Variants in CORO1C observed in about 807,000 individuals in gnomAD.
CORO1C encodes coronin 1C.
Under a neutral mutation model 51.2 loss-of-function variants are expected in CORO1C, and 14 were observed. The observed-to-expected ratio is 0.27, with a 90% CI of 0.18 to 0.43. CORO1C has a LOEUF of 0.43. CORO1C is among the 20% of genes least tolerant of loss of function. The probability of loss-of-function intolerance (pLI) is 1.00; values close to 1 mark genes in which losing one functional copy is unlikely to be tolerated. For missense variants in CORO1C, 417 were observed against 607.8 expected, an observed-to-expected ratio of 0.69 and a Z score of 3.30; for synonymous variants, 181 against 210.5, an observed-to-expected ratio of 0.86 and a Z score of 1.21.
chr12:108,690,508 T>C (rs907569281), intron 2 of CORO1C, among the ~76,000 whole-genome samples: 5 of 152,258 alleles, frequency 3.3e-5, no homozygotes. Flanking sequence ...GAATAGACCA[T>C]ATTTTAAAAT....
chr12:108,663,010 C>T (rs542591961), intron 3 of CORO1C, among the ~76,000 whole-genome samples: 1 of 152,262 alleles, frequency 6.6e-6, no homozygotes, highest in South Asian at 2.1e-4. Flanking sequence ...AAAAATAGGC[C>T]AGTCATCTAA....
intron 2 of CORO1C, among the ~76,000 whole-genome samples, chr12:108,686,613 A>C (rs2034305422): frequency 6.6e-6 from 1 of 152,248 alleles, no homozygotes; most frequent in Non-Finnish European, 1.5e-5. Flanking sequence ...TTCATTGATT[A>C]CTTACTAGTC....
rs1025516396 is a variant in CORO1C, at chr12:108,645,654, T to C, written c.*1749A>G. On this transcript the variant is annotated 3_prime_UTR_variant, in exon 11 of 11. Transcript: ENST00000261401. ...AATTGTGGAGACAGCACTCCCAGTATTGGCTGGATAAGAACATGGTCCTTT... is the reference window on the plus strand; with the variant it reads ...AATTGTGGAGACAGCACTCCCAGTACTGGCTGGATAAGAACATGGTCCTTT... 1.3e-5 allele frequency: 2 copies of C among 152,182 alleles called. No homozygotes were observed. The highest frequency in any genetic ancestry group is 2.9e-5 in the Non-Finnish European group (2 of 68,032). 9.4% of individuals were successfully genotyped at this position (152,182 alleles called of 1,614,324 possible).
chr12:108,720,823 A>G (rs1380092354), intron 1 of CORO1C, among the ~76,000 whole-genome samples: 3 of 152,162 alleles, frequency 2.0e-5, no homozygotes, highest in Non-Finnish European at 4.4e-5. Flanking sequence ...GCACCCGGCA[A>G]ATATTTACAA....
intron 3 of CORO1C, among the ~76,000 whole-genome samples, chr12:108,676,550 T>C (rs2033915697): frequency 6.6e-6 from 1 of 151,844 alleles, no homozygotes; most frequent in South Asian, 2.1e-4. Context: ...GGCGGGGGGA[T>C]CACTTGAGGT....
At chr12:108,698,975 G>A (rs2034779025) in intron 2 of CORO1C, among the ~76,000 whole-genome samples, 1 of 152,138 alleles carries the variant, frequency 6.6e-6, no homozygotes, top group Non-Finnish European at 1.5e-5. Context: ...TATTTCCAAT[G>A]GCTGTCACAG....
chr12:108,673,884 TAAAATAA>T (rs910231653), intron 3 of CORO1C, among the ~76,000 whole-genome samples: 41 of 150,990 alleles, frequency 2.7e-4, no homozygotes, highest in Non-Finnish European at 4.7e-4. Context: ...ATAATAATAA[TAAAATAA>T]AAAATAAATA....
At chr12:108,713,885 T>A (rs2035254573) in intron 1 of CORO1C, among the ~76,000 whole-genome samples, 1 of 152,146 alleles carries the variant, frequency 6.6e-6, no homozygotes, top group African/African-American at 2.4e-5. Flanking sequence ...AGTTGGCCAG[T>A]TTGTGTAACA....
At chr12:108,701,451 G>T in intron 1 of CORO1C, 128 bp from the exon 2 acceptor site, 1 of 1,433,678 alleles carries the variant, frequency 7.0e-7, no homozygotes, top group Non-Finnish European at 9.4e-7. Context: ...CTAAAAAGTA[G>T]CCAAATTGCA....
chr12:108,675,937 T>C (rs1203277282), intron 3 of CORO1C, among the ~76,000 whole-genome samples: 1 of 152,112 alleles, frequency 6.6e-6, no homozygotes. Flanking sequence ...AACTGCAACA[T>C]GAGGGTACAA....
Position 108,654,270 on chromosome 12 carries a change from C to A in CORO1C, c.855+36G>T, listed in dbSNP as rs779970049. Reference sequence around the variant, plus strand: ...TCTGAAGGATAAATGTTTCCACTTACAGGATTTAACACCAAACATCAAAAT... The same window carrying A: ...TCTGAAGGATAAATGTTTCCACTTAAAGGATTTAACACCAAACATCAAAAT... On this transcript the variant is annotated intron_variant, in intron 7 of 10. Transcript: ENST00000261401. The A allele has an allele frequency of 9.3e-6, 12 of 1,285,018 alleles. No individual in the cohort carries two copies. The East Asian group carries it at 2.5e-4, about 27-fold the overall frequency. The allele number at this position is 1,285,018 out of a possible 1,614,324, so 79.6% of individuals were successfully genotyped here. A position where few individuals can be genotyped will look rare whatever the true frequency, so the allele number is the denominator to read the frequency against.
intron 2 of CORO1C, 25 bp downstream of exon 2, chr12:108,701,099 C>T: frequency 6.2e-7 from 1 of 1,612,062 alleles, no homozygotes. Context: ...GGGTGTCTAC[C>T]AGAATGGAAG....
chr12:108,679,593 G>C (rs370367624), intron 2 of CORO1C, among the ~76,000 whole-genome samples: 171 of 152,298 alleles, frequency 1.1e-3, no homozygotes, highest in Middle Eastern at 0.01. Flanking sequence ...TCTATTTTTT[G>C]TTGTTTTTGC....
intron 2 of CORO1C, among the ~76,000 whole-genome samples, chr12:108,690,679 A>C (rs1328974871): frequency 6.6e-6 from 1 of 152,246 alleles, no homozygotes; most frequent in Non-Finnish European, 1.5e-5. Flanking sequence ...AAGAATTTAT[A>C]AAGTGAAAAC....
intron 2 of CORO1C, among the ~76,000 whole-genome samples, chr12:108,689,263 A>C (rs1226231912): frequency 1.3e-5 from 2 of 152,200 alleles, no homozygotes; most frequent in Non-Finnish European, 2.9e-5. Flanking sequence ...AGGAAATGTA[A>C]CATTATGTTA....
rs2032399845 is a variant in CORO1C, at chr12:108,647,244, C to T, written c.*159G>A. ...GCAAATTTGGGAGACAAATTGAGTT[C>T]TTACTGGAATGTGGCCTATCGCTGG... is the stretch of plus-strand genomic sequence containing the variant. On this transcript the variant is annotated 3_prime_UTR_variant, in exon 11 of 11. Transcript: ENST00000261401. 1 of 569,814 alleles carries T rather than the reference C, an allele frequency of 1.8e-6. No individual in the cohort carries two copies. Among genetic ancestry groups the T allele is most frequent in the South Asian group, 4.0e-5 (1 of 24,744 alleles). 35.3% of individuals were successfully genotyped at this position (569,814 alleles called of 1,614,324 possible). A position where few individuals can be genotyped will look rare whatever the true frequency, so the allele number is the denominator to read the frequency against.
intron 8 of CORO1C, among the ~76,000 whole-genome samples, chr12:108,650,059 G>C (rs1373320209): frequency 6.6e-6 from 1 of 151,908 alleles, no homozygotes; most frequent in Non-Finnish European, 1.5e-5. Flanking sequence ...CAAAAGCTGA[G>C]TAGAGCTCAG....
rs573608514 is a variant in CORO1C at position 108,700,013 on chromosome 12, G to A, written c.195+1111C>T. ...CAAGAGAATTGGACATTTTCCCAAT[G>A]AGAGTTTTCCCAAGGAAAAAACATC... On this transcript the variant is annotated intron_variant, in intron 2 of 10. Coordinates refer to ENST00000261401, the MANE Select transcript of CORO1C (RefSeq NM_014325.4). 7.2e-5 allele frequency among the ~76,000 whole-genome samples: 11 copies of A among 152,258 alleles called. No homozygotes were observed. The East Asian group carries it at 1.2e-3, about 16-fold the overall frequency.
At chr12:108,667,123 T>C (rs2033514516) in intron 3 of CORO1C, among the ~76,000 whole-genome samples, 1 of 152,154 alleles carries the variant, frequency 6.6e-6, no homozygotes, top group Non-Finnish European at 1.5e-5. Flanking sequence ...CTTTTTTTGC[T>C]GTTAATATGA....
Sources: gnomAD v4.1 joint callset for allele counts (sites outside exome capture counted in the v4.1 genomes callset) on GRCh38, gnomAD v4.1.1 for gene constraint, MANE v1.5 for transcripts, NCBI Gene and HGNC (gene_info 2026-07-23, HGNC 2026-07-21) for gene names.